The following CEP350 variants were observed in gnomAD, a reference collection of about 807,000 sequenced individuals.
CEP350 encodes centrosome-associated protein 350.
Under a neutral mutation model 331.8 loss-of-function variants are expected in CEP350, and 126 were observed. The ratio of observed to expected loss-of-function variants is 0.38; its 90% CI spans 0.33 to 0.44. CEP350 has a LOEUF of 0.44. Among genes scored for constraint, CEP350 ranks in the 20% least tolerant of loss-of-function variants. The pLI, the probability that CEP350 is intolerant of heterozygous loss-of-function variation, is 1.00. For synonymous variants in CEP350, 1,200 were observed against 1,259.5 expected, an observed-to-expected ratio of 0.95 and a Z score of 1.00; for missense variants, 3,406 against 3,634.6, an observed-to-expected ratio of 0.94 and a Z score of 1.62.
chr1:180,015,258 C>G (rs149448885), intron 10 of CEP350, among the ~76,000 whole-genome samples: 1 of 144,224 alleles, frequency 6.9e-6, no homozygotes, highest in Non-Finnish European at 1.5e-5. Flanking sequence ...TTATTTGAGA[C>G]GGAGTCTCCC....
intron 25 of CEP350, among the ~76,000 whole-genome samples, chr1:180,056,227 A>G (rs1657831017): frequency 6.6e-6 from 1 of 152,084 alleles, no homozygotes; most frequent in East Asian, 1.9e-4. Context: ...GATATTTTCC[A>G]TTATTTACTG....
At position 180,087,582 on chromosome 1, in the gene CEP350, A is replaced by G; in HGVS notation, c.6290A>G (p.Tyr2097Cys). ...CTCTGGTTTTTCTAAACTTAGTCAT[A>G]TGATGAATTTATTAAGAAAACTGAA... ...EASLIKQLES[Y>C]DEFIKKTEAE... The change falls in exon 32 of 38, where the codon TAT becomes TGT. Residue 2097 changes from tyrosine (Y) to cysteine (C), a missense_variant. Around this residue, in one of 5 missense-constraint regions of CEP350, gnomAD observed 1,415 missense variants for 1,512.3 expected, o/e 0.94. Transcript: ENST00000367607. 1 of 1,541,216 alleles carries G rather than the reference A, an allele frequency of 6.5e-7. No individual in the cohort carries two copies. Among genetic ancestry groups the G allele is most frequent in the South Asian group, 1.2e-5 (1 of 82,572 alleles).
In CEP350 at chr1:180,095,542, C is replaced by A. The variant is rs1365162251; in HGVS notation, c.8531C>A (p.Ala2844Asp). 1 of 1,613,446 alleles carries A rather than the reference C, an allele frequency of 6.2e-7. No individual in the cohort carries two copies. The highest frequency in any genetic ancestry group is 8.5e-7 in the Non-Finnish European group (1 of 1,179,738). Residue 2844 changes from alanine to aspartate, a missense_variant, in exon 35 of 38, where the codon GCC becomes GAC. Ala to Asp is a moderately radical substitution (Grantham distance 126). Transcript: ENST00000367607. ...CPRPESPVFG[A>D]SGQEELAKRL... ...CTATAGGAGAGCCCAGTATTTGGTG[C>A]CAGTGGGCAGGAAGAACTTGCTAAG...
intron 1 of CEP350, among the ~76,000 whole-genome samples, chr1:179,957,030 C>A (rs1178083901): frequency 6.7e-6 from 1 of 150,028 alleles, no homozygotes; most frequent in Non-Finnish European, 1.5e-5. Flanking sequence ...ATTTTTATAA[C>A]GTTTTGTTAA....
At position 180,024,472 on chromosome 1, in the gene CEP350, C is replaced by G; in HGVS notation, c.3440C>G (p.Pro1147Arg). The G allele has an allele frequency of 6.2e-7, 1 of 1,613,200 alleles. No homozygotes were observed. Among genetic ancestry groups the G allele is most frequent in the Non-Finnish European group, 8.5e-7 (1 of 1,179,572 alleles). ...DHSNRKSAYD[P>R]SSVDVTSQHS... ...TCTAACAGAAAGTCTGCCTATGATC[C>G]TTCCTCTGTGGATGTTACCTCCCAG... Residue 1147 changes from proline to arginine, a missense_variant, in exon 14 of 38, where the codon CCT becomes CGT. Physicochemically the swap from Pro to Arg is moderately radical, Grantham distance 103 (BLOSUM62 -2). This residue lies in a region of CEP350 where 1,857 missense variants were observed against 1,909.2 expected (regional missense o/e 0.97). Transcript: ENST00000367607.
chr1:180,087,874 A>G (rs1353284049), intron 32 of CEP350, among the ~76,000 whole-genome samples, 157 bp downstream of exon 32: 1 of 152,186 alleles, frequency 6.6e-6, no homozygotes, highest in Admixed American at 6.5e-5. Context: ...GTTACATATT[A>G]TAATTAAAAA....
intron 32 of CEP350, among the ~76,000 whole-genome samples, chr1:180,089,954 C>T (rs917007217): frequency 5.9e-5 from 9 of 152,042 alleles, no homozygotes; most frequent in African/African-American, 2.2e-4. Flanking sequence ...GACGTGAAAG[C>T]CAAGTATTAC....
intron 1 of CEP350, among the ~76,000 whole-genome samples, chr1:179,957,538 A>G (rs924595879): frequency 6.6e-6 from 1 of 152,178 alleles, no homozygotes; most frequent in Non-Finnish European, 1.5e-5. Flanking sequence ...ACTATTATGC[A>G]CCCAGTGCCT....
chr1:179,986,998 G>A (rs1433454541), intron 2 of CEP350, among the ~76,000 whole-genome samples: 1 of 152,194 alleles, frequency 6.6e-6, no homozygotes, highest in Non-Finnish European at 1.5e-5. Context: ...GGAAATGCCA[G>A]TCCAATGGTA....
chr1:180,109,254 C>T (rs1251666128), intron 37 of CEP350, among the ~76,000 whole-genome samples: 1 of 150,842 alleles, frequency 6.6e-6, no homozygotes, highest in African/African-American at 2.4e-5. Context: ...TGAGTAGCTG[C>T]GATTACAGGT....
intron 25 of CEP350, among the ~76,000 whole-genome samples, chr1:180,061,211 A>ATTGT (rs1658209599): frequency 6.6e-6 from 1 of 151,878 alleles, no homozygotes; most frequent in Non-Finnish European, 1.5e-5. Context: ...TGATTGATTG[A>ATTGT]TTGAGACAGG....
intron 36 of CEP350, among the ~76,000 whole-genome samples, chr1:180,097,776 A>C (rs1018206479): frequency 1.3e-5 from 2 of 151,970 alleles, no homozygotes; most frequent in African/African-American, 2.4e-5. Context: ...CTCATACTGA[A>C]GTGTTGATAT....
chr1:180,010,833 C>T (rs1281570297), intron 8 of CEP350, among the ~76,000 whole-genome samples: 4 of 152,096 alleles, frequency 2.6e-5, no homozygotes, highest in Non-Finnish European at 4.4e-5. Flanking sequence ...TGGATTCAAA[C>T]TCCTGACCCC....
At chr1:180,046,835 G>A (rs1022406951) in intron 21 of CEP350, among the ~76,000 whole-genome samples, 1 of 152,158 alleles carries the variant, frequency 6.6e-6, no homozygotes, top group Non-Finnish European at 1.5e-5. Context: ...TCTACTACAA[G>A]TTTATTGAGT....
intron 28 of CEP350, among the ~76,000 whole-genome samples, chr1:180,075,536 C>T (rs978470229): frequency 3.3e-5 from 5 of 152,056 alleles, no homozygotes; most frequent in African/African-American, 1.2e-4. Flanking sequence ...CCCCACTGTG[C>T]TCCAGCCTGG....
Position 180,096,137 on chromosome 1 carries a change from A to T in CEP350, c.9019A>T (p.Ser3007Cys). ...VWMKPCRINSSYFRRVKNPNN... is the reference protein window; with the variant it reads ...VWMKPCRINSCYFRRVKNPNN... The stretch of plus-strand genomic sequence containing the variant: ...GATGAAGCCATGTAGAATCAACTCT[A>T]GTTATTTCCGACGAGTGAAAAATCC... Residue 3007 changes from serine (S) to cysteine (C), a missense_variant, in exon 36 of 38, where the codon AGT becomes TGT. Physicochemically the swap from Ser to Cys is moderately radical, Grantham distance 112. Transcript: ENST00000367607. 6.4e-7 allele frequency: 1 copy of T among 1,569,442 alleles called. No homozygotes were observed. The highest frequency in any genetic ancestry group is 8.7e-7 in the Non-Finnish European group (1 of 1,155,168).
chr1:180,003,114 A>G, intron 6 of CEP350, 60 bp from the exon 7 acceptor site: 2 of 1,099,940 alleles, frequency 1.8e-6, no homozygotes, highest in South Asian at 2.9e-5. Flanking sequence ...AAAAAGTATA[A>G]CAAACAAAAC....
rs1558156107 is a variant in CEP350, at chr1:180,094,231, C to T, written c.8126C>T (p.Ala2709Val). Residue 2709 changes from alanine to valine, a missense_variant, in exon 34 of 38, where the codon GCT (alanine) becomes GTT (valine). Physicochemically the swap from Ala to Val is moderately conservative, Grantham distance 64. Transcript: ENST00000367607. ...QFTEEEDNLY[A>V]EASEKLCTPL... ...ACAGAAGAGGAAGACAACCTATATG[C>T]TGAAGCTTCAGAAAAGCTTTGTACA... is the stretch of plus-strand genomic sequence containing the variant. 2 of 1,612,874 alleles carry T rather than the reference C, an allele frequency of 1.2e-6. No individual in the cohort carries two copies. The highest frequency in any genetic ancestry group is 1.3e-5 in the African/African-American group (1 of 74,826).
At position 180,048,820 on chromosome 1, in the gene CEP350, G is replaced by A. The variant is rs1458468980; in HGVS notation, c.4792+115G>A. 4 of 804,540 alleles carry A rather than the reference G, an allele frequency of 5.0e-6. No individual in the cohort carries two copies. The African/African-American group carries it at 7.0e-5, about 14-fold the overall frequency. The allele number at this position is 804,540 out of a possible 1,614,324, so 49.8% of individuals were successfully genotyped here. On this transcript the variant is annotated intron_variant, in intron 22 of 37. Transcript: ENST00000367607. ...GTGGTGGCTCATGCCAGTAATTCCA[G>A]CACTTTGGGAGGCTGAGCTGGGAGA...
Sources: gnomAD v4.1 joint callset for allele counts (sites outside exome capture counted in the v4.1 genomes callset) on GRCh38, gnomAD v4.1.1 for gene constraint, gnomAD v4.1.1 regional missense constraint, MANE v1.5 for transcripts, NCBI Gene and HGNC (gene_info 2026-07-23, HGNC 2026-07-21) for gene names.